The following EYS variants were observed in gnomAD, a reference collection of about 807,000 sequenced individuals.
EYS encodes protein eyes shut homolog.
In EYS, 250 loss-of-function variants were observed where a neutral mutation model predicts 282.1. The observed-to-expected ratio is 0.89, with a 90% CI of 0.80 to 0.98. The LOEUF (loss-of-function observed/expected upper bound fraction) is 0.98. EYS is among the 50% of genes least tolerant of loss of function. The pLI is 0.00. For synonymous variants in EYS, 1,355 were observed against 1,282.9 expected (o/e 1.06, Z -1.20); for missense variants, 4,016 against 3,709.0 (o/e 1.08, Z -2.15).
At chr6:65,580,328 G>A (rs931541692) in intron 2 of EYS, among the ~76,000 whole-genome samples, 5 of 151,946 alleles carry the variant, frequency 3.3e-5, no homozygotes, top group African/African-American at 4.8e-5. Context: ...TTAAGGATAC[G>A]ATCAATAAAG....
intron 31 of EYS, among the ~76,000 whole-genome samples, chr6:64,160,563 A>G (rs1775072927): frequency 6.6e-6 from 1 of 152,202 alleles, no homozygotes; most frequent in Admixed American, 6.5e-5. Flanking sequence ...CCTTAAAAAG[A>G]CAGCTATTAT....
At chr6:64,742,967 G>A (rs1298321316) in intron 22 of EYS, among the ~76,000 whole-genome samples, 1 of 151,988 alleles carries the variant, frequency 6.6e-6, no homozygotes, top group African/African-American at 2.4e-5. Context: ...TAGTGAATAC[G>A]GAAGACTTAA....
intron 22 of EYS, among the ~76,000 whole-genome samples, chr6:64,722,987 A>G (rs1771631578): frequency 6.6e-6 from 1 of 151,966 alleles, no homozygotes. Context: ...CTTTTAGGTC[A>G]GTATATCTGT....
chr6:64,235,354 C>T (rs1457580422), intron 30 of EYS, among the ~76,000 whole-genome samples: 1 of 149,064 alleles, frequency 6.7e-6, no homozygotes, highest in Non-Finnish European at 1.5e-5. Context: ...GTTTTTTGTT[C>T]TTGTGATAGT....
rs181657313 is a variant in EYS at position 65,003,558 on chromosome 6, C to A, written c.2138-5855G>T. 5.4e-5 allele frequency among the ~76,000 whole-genome samples: 8 copies of A among 147,346 alleles called. 1 individual carries two copies. The highest frequency in any genetic ancestry group is 1.9e-4 in the African/African-American group (8 of 41,244). ...TGTCTGTGACCCACACCTATTCGCACACTCCCTCCCCTTTTGAAACTCCCT... is the reference window on the plus strand; with the variant it reads ...TGTCTGTGACCCACACCTATTCGCAAACTCCCTCCCCTTTTGAAACTCCCT... On this transcript the variant is annotated intron_variant, in intron 13 of 42. Transcript: ENST00000503581.
Position 65,356,266 on chromosome 6 carries a change from T to C in EYS, c.1300-2649A>G, listed in dbSNP as rs188016519. On this transcript the variant is annotated intron_variant, in intron 8 of 42. Coordinates refer to ENST00000503581, the MANE Select transcript of EYS (RefSeq NM_001142800.2). ...TAAGTCCTGTCTAAGGTATTTTGTT[T>C]TGTCTGCAATTGTTTTTGTTCTTGT... 5.7e-3 allele frequency among the ~76,000 whole-genome samples: 867 copies of C among 152,196 alleles called. 5 individuals carry two copies. The highest frequency in any genetic ancestry group is 0.02 in the Middle Eastern group (6 of 294).
At chr6:64,194,013 C>T (rs1582408671) in intron 31 of EYS, among the ~76,000 whole-genome samples, 1 of 152,018 alleles carries the variant, frequency 6.6e-6, no homozygotes, top group East Asian at 1.9e-4. Context: ...TGGGTAGATA[C>T]TCAGTAATGG....
Position 65,495,322 on chromosome 6 carries a change from T to C in EYS, c.89A>G (p.Glu30Gly), listed in dbSNP as rs541140905. Residue 30 changes from glutamate (E) to glycine (G), a missense_variant, in exon 4 of 43, where the codon GAA (glutamate) becomes GGA (glycine). By Grantham distance (98) the Glu-to-Gly change is moderately conservative. Transcript: ENST00000503581. ...TGATGAGGGTTGTGGATGCCATTCT[T>C]CCACCAATTGCCGTCTACATGTTTT... ...NGKTCRRQLVEEWHPQPSSYV... is the reference protein window; with the variant it reads ...NGKTCRRQLVGEWHPQPSSYV... 2.5e-6 allele frequency: 4 copies of C among 1,614,042 alleles called. No individual in the cohort carries two copies. The African/African-American group carries it at 5.3e-5, about 22-fold the overall frequency.
intron 2 of EYS, among the ~76,000 whole-genome samples, chr6:65,577,176 A>T (rs989399202): frequency 2.6e-5 from 4 of 151,976 alleles, no homozygotes; most frequent in Non-Finnish European, 5.9e-5. Flanking sequence ...TAAATCTATT[A>T]CAAAGCTATA....
chr6:64,915,774 A>G (rs962517923), intron 15 of EYS, among the ~76,000 whole-genome samples: 2 of 152,186 alleles, frequency 1.3e-5, no homozygotes, highest in African/African-American at 2.4e-5. Flanking sequence ...AAAGCTTTGA[A>G]ATATGTAGAA....
At chr6:64,058,121 G>A (rs557067513) in intron 33 of EYS, among the ~76,000 whole-genome samples, 2 of 152,208 alleles carry the variant, frequency 1.3e-5, no homozygotes, top group South Asian at 4.2e-4. Context: ...ATAAGTCTCA[G>A]GAGATCTGAT....
intron 12 of EYS, among the ~76,000 whole-genome samples, chr6:65,174,042 A>G (rs955122041): frequency 6.6e-6 from 1 of 151,288 alleles, no homozygotes; most frequent in Non-Finnish European, 1.5e-5. Context: ...AGGACACACC[A>G]ACCCACATGA....
intron 21 of EYS, among the ~76,000 whole-genome samples, chr6:64,820,370 CTGA>C (rs1764864608): frequency 6.6e-6 from 1 of 151,972 alleles, no homozygotes; most frequent in African/African-American, 2.4e-5. Flanking sequence ...TGTCTATTTA[CTGA>C]TATTTTAATA....
intron 35 of EYS, among the ~76,000 whole-genome samples, chr6:63,874,234 C>T (rs1242225155): frequency 1.3e-5 from 2 of 152,168 alleles, no homozygotes; most frequent in Non-Finnish European, 2.9e-5. Context: ...TTTCCGAGCA[C>T]CATTTGTTAA....
intron 1 of EYS, among the ~76,000 whole-genome samples, chr6:65,640,340 C>T (rs1379120802): frequency 2.0e-5 from 3 of 152,042 alleles, no homozygotes; most frequent in Non-Finnish European, 4.4e-5. Flanking sequence ...TATGCAGGAT[C>T]ATATTTGTAT....
chr6:64,108,351 T>C (rs907143947), intron 31 of EYS, among the ~76,000 whole-genome samples: 1 of 152,110 alleles, frequency 6.6e-6, no homozygotes, highest in African/African-American at 2.4e-5. Flanking sequence ...GTTTTTCCAA[T>C]GTTGAGGGCT....
At position 64,382,388 on chromosome 6, in the gene EYS, T is replaced by C. The variant is rs149831712; in HGVS notation, c.6078+6302A>G. On this transcript the variant is annotated intron_variant, in intron 29 of 42. Transcript: ENST00000503581. ...CTCAGAAACACCTCAAACTTAAAAG[T>C]GTCCAAACTAATTATCTTGTTATTC... Among the ~76,000 whole-genome samples the C allele has an allele frequency of 3.4e-3, 515 of 152,242 alleles. 10 individuals carry two copies. The highest frequency in any genetic ancestry group is 0.03 in the Admixed American group (459 of 15,278).
At chr6:64,325,494 A>C (rs1770381895) in intron 29 of EYS, among the ~76,000 whole-genome samples, 1 of 152,184 alleles carries the variant, frequency 6.6e-6, no homozygotes, top group Non-Finnish European at 1.5e-5. Flanking sequence ...TGGTAATATG[A>C]TAAAACAAGG....
At chr6:63,959,475 C>T (rs1765962231) in intron 35 of EYS, among the ~76,000 whole-genome samples, 1 of 152,112 alleles carries the variant, frequency 6.6e-6, no homozygotes, top group African/African-American at 2.4e-5. Context: ...GGATCCAGAA[C>T]CAGAAATACC....
Sources: allele counts gnomAD v4.1 joint callset (sites outside exome capture counted in the v4.1 genomes callset), GRCh38; gene constraint gnomAD v4.1.1; transcripts MANE v1.5; gene names NCBI Gene and HGNC (gene_info 2026-07-23, HGNC 2026-07-21).